Variants in CCDC136 observed in about 807,000 individuals in gnomAD.
The protein encoded by CCDC136 is coiled-coil domain-containing protein 136.
CCDC136 carries 100 observed loss-of-function variants against 141.2 expected under a neutral mutation model. The observed-to-expected ratio is 0.71, with a 90% CI of 0.60 to 0.84. CCDC136 has a LOEUF of 0.84. CCDC136 is among the 40% of genes least tolerant of loss of function. CCDC136 has a pLI of 0.00. For missense variants in CCDC136, 1,206 were observed against 1,379.4 expected (o/e 0.87, Z 1.99); for synonymous variants, 474 against 531.9 (o/e 0.89, Z 1.50).
At chr7:128,808,862 T>C (rs1805270006) in intron 10 of CCDC136, 1 of 985,344 alleles carries the variant, frequency 1.0e-6, no homozygotes, top group Admixed American at 6.1e-5. Flanking sequence ...TCTCTAGCCG[T>C]AAAACAGCAT....
At chr7:128,808,656 G>C in intron 10 of CCDC136, 1 of 985,426 alleles carries the variant, frequency 1.0e-6, no homozygotes, top group Non-Finnish European at 1.2e-6. Flanking sequence ...GCCTTCAGGA[G>C]ACGGAGGACT....
chr7:128,816,608 A>G (rs554056304), intron 16 of CCDC136, among the ~76,000 whole-genome samples: 1 of 152,264 alleles, frequency 6.6e-6, no homozygotes, highest in South Asian at 2.1e-4. Flanking sequence ...GTATCCTGGG[A>G]TATATATGCC....
At chr7:128,797,983 T>C (rs1803309610) in intron 3 of CCDC136, among the ~76,000 whole-genome samples, 1 of 151,098 alleles carries the variant, frequency 6.6e-6, no homozygotes, top group South Asian at 2.1e-4. Flanking sequence ...AGTGGCGTGA[T>C]CTCGGCTCAC....
chr7:128,810,538 T>C (rs4731515), intron 12 of CCDC136, among the ~76,000 whole-genome samples, 172 bp downstream of exon 12: 18,946 of 151,994 alleles, frequency 0.12, 1,254 homozygotes, highest in East Asian at 0.19. Context: ...CATTAAGAGG[T>C]GGCTTTTAGA....
chr7:128,792,131 T>G lies in CCDC136; in HGVS notation c.-281T>G. 1 of 1,416,086 alleles carries G rather than the reference T, an allele frequency of 7.1e-7. No individual in the cohort carries two copies. Among genetic ancestry groups the G allele is most frequent in the Non-Finnish European group, 9.2e-7 (1 of 1,091,406 alleles). 87.7% of individuals were successfully genotyped at this position (1,416,086 alleles called of 1,614,324 possible). ...CTGGAACAGCGGGTTCTGAGGAGGC[T>G]GGGAGGCAGGGCTGAGAGGTGGCCG... On this transcript the variant is annotated 5_prime_UTR_variant, in exon 1 of 18. Transcript: ENST00000297788.
intron 16 of CCDC136, among the ~76,000 whole-genome samples, chr7:128,816,910 T>C (rs758011158): frequency 1.3e-5 from 2 of 152,230 alleles, no homozygotes; most frequent in Non-Finnish European, 2.9e-5. Context: ...AAGGATCCAG[T>C]GTGCAGTGCT....
At chr7:128,796,612 A>G (rs1424660494) in intron 3 of CCDC136, among the ~76,000 whole-genome samples, 1 of 151,656 alleles carries the variant, frequency 6.6e-6, no homozygotes, top group Non-Finnish European at 1.5e-5. Flanking sequence ...AACACTTAAG[A>G]TGGAGGGAAG....
In CCDC136 at chr7:128,812,722, G is replaced by T; in HGVS notation, c.2556G>T (p.Met852Ile). ...EPEDMERFEE[M>I]VVKVLIKLQA... ...ACCCCCCGCAGCGCTTTGAGGAAATGGTTGTGAAAGTGCTGATCAAGCTGC... is the reference window on the plus strand; with the variant it reads ...ACCCCCCGCAGCGCTTTGAGGAAATTGTTGTGAAAGTGCTGATCAAGCTGC... Residue 852 changes from methionine to isoleucine, a missense_variant, in exon 14 of 18, where the codon ATG (methionine) becomes ATT (isoleucine). Met to Ile is a conservative substitution (Grantham distance 10). Coordinates refer to ENST00000297788, the MANE Select transcript of CCDC136 (RefSeq NM_022742.5). 1 of 1,613,194 alleles carries T rather than the reference G, an allele frequency of 6.2e-7. No homozygotes were observed. Among genetic ancestry groups the T allele is most frequent in the Non-Finnish European group, 8.5e-7 (1 of 1,179,762 alleles).
chr7:128,797,808 C>T (rs944078203), intron 3 of CCDC136, among the ~76,000 whole-genome samples: 2 of 151,302 alleles, frequency 1.3e-5, no homozygotes, highest in African/African-American at 4.8e-5. Context: ...AGAAAAGATC[C>T]AGTACAAAAA....
upstream of CCDC136, chr7:128,791,606 C>T: frequency 1.8e-6 from 2 of 1,116,906 alleles, no homozygotes; most frequent in Non-Finnish European, 2.3e-6. The surrounding 1 kb of genome is among the most constrained non-coding windows in gnomAD (Gnocchi z 7.1). Flanking sequence ...CTCCTCCATC[C>T]CTCCTCCTTC....
rs959757398 is a variant in CCDC136, at chr7:128,817,514, C to T, written c.3364-244C>T. Among the ~76,000 whole-genome samples, 1 of 152,162 alleles carries T rather than the reference C, an allele frequency of 6.6e-6. No individual in the cohort carries two copies. Among genetic ancestry groups the T allele is most frequent in the Non-Finnish European group, 1.5e-5 (1 of 68,036 alleles). ...AAAGAAAACTGGACTCACCGCCTGACTTGGACCTAGCTGCTGCTTAACCCA... is the reference window on the plus strand; with the variant it reads ...AAAGAAAACTGGACTCACCGCCTGATTTGGACCTAGCTGCTGCTTAACCCA... On this transcript the variant is annotated intron_variant, in intron 16 of 17. Transcript: ENST00000297788. This position sits in a 1 kb window ranked among gnomAD's most constrained non-coding sequence, Gnocchi z 4.6.
At chr7:128,791,500 G>A (rs1428826459), upstream of CCDC136, 3 of 1,303,086 alleles carry the variant, frequency 2.3e-6, no homozygotes, top group Admixed American at 8.0e-5. This position sits in a 1 kb window ranked among gnomAD's most constrained non-coding sequence, Gnocchi z 7.1. Flanking sequence ...GGTCATGGAG[G>A]CGGGCGCCGG....
At chr7:128,791,340 G>A, upstream of CCDC136, 2 of 412,142 alleles carry the variant, frequency 4.9e-6, no homozygotes, top group Non-Finnish European at 8.0e-6. The surrounding 1 kb of genome is among the most constrained non-coding windows in gnomAD (Gnocchi z 7.1). Context: ...GGGCTTCCGG[G>A]CGGCGGCGAG....
At chr7:128,802,510 C>T (rs577490441) in intron 4 of CCDC136, among the ~76,000 whole-genome samples, 4 of 152,078 alleles carry the variant, frequency 2.6e-5, no homozygotes, top group African/African-American at 4.8e-5. Context: ...GCAGGATGAA[C>T]GTAGGAGGTC....
At chr7:128,815,175 ACTC>A (rs1806402872) in intron 15 of CCDC136, among the ~76,000 whole-genome samples, 1 of 151,978 alleles carries the variant, frequency 6.6e-6, no homozygotes, top group Admixed American at 6.5e-5. Flanking sequence ...AGGCTGGACA[ACTC>A]CTTCAGTTTG....
chr7:128,810,062 A>T (rs532622888), intron 11 of CCDC136, 77 bp from the exon 12 acceptor site: 1 of 836,898 alleles, frequency 1.2e-6, no homozygotes, highest in African/African-American at 1.7e-5. Flanking sequence ...CACAACGGGG[A>T]TGAGGCACCA....
In CCDC136 at chr7:128,810,332, A is replaced by C; in HGVS notation, c.1994A>C (p.Lys665Thr). The stretch of plus-strand genomic sequence containing the variant: ...GTGTTGGAGAATCCCGATGATTCCA[A>C]ATTGGCTAAGTCCTCCAAATGTAAT... ...QEVLENPDDS[K>T]LAKSSKCNRN... Residue 665 changes from lysine to threonine, a missense_variant, in exon 12 of 18, where the codon AAA (lysine) becomes ACA (threonine). Coordinates refer to ENST00000297788, the MANE Select transcript of CCDC136 (RefSeq NM_022742.5). 1 of 1,613,942 alleles carries C rather than the reference A, an allele frequency of 6.2e-7. No individual in the cohort carries two copies. Among genetic ancestry groups the C allele is most frequent in the Non-Finnish European group, 8.5e-7 (1 of 1,179,834 alleles).
chr7:128,811,785 C>T lies in CCDC136; in HGVS notation c.2029-15C>T. The T allele has an allele frequency of 6.5e-7, 1 of 1,550,310 alleles. No individual in the cohort carries two copies. The highest frequency in any genetic ancestry group is 8.7e-7 in the Non-Finnish European group (1 of 1,153,030). On this transcript the variant is annotated splice_polypyrimidine_tract_variant and intron_variant, in intron 12 of 17. Coordinates refer to ENST00000297788, the MANE Select transcript of CCDC136 (RefSeq NM_022742.5). The stretch of plus-strand genomic sequence containing the variant: ...TGTCAGAGTAATGATACTGTCTCCC[C>T]ACCCCTGCCCCCAGCAATCCAAGCT...
intron 8 of CCDC136, 137 bp downstream of exon 8, chr7:128,806,532 A>G: frequency 9.3e-7 from 1 of 1,069,790 alleles, no homozygotes; most frequent in South Asian, 1.7e-5. Flanking sequence ...AAAGAACTCC[A>G]GCCCTGCTCG....
Sources: gnomAD v4.1 joint callset for allele counts (sites outside exome capture counted in the v4.1 genomes callset) on GRCh38, gnomAD v4.1.1 for gene constraint, Gnocchi (gnomAD v3.1) non-coding constraint, MANE v1.5 for transcripts, NCBI Gene and HGNC (gene_info 2026-07-23, HGNC 2026-07-21) for gene names.